Variants in GLIS2 observed in about 807,000 individuals in gnomAD.
GLIS2 encodes the protein zinc finger protein GLIS2.
In GLIS2, 14 loss-of-function variants were observed where a neutral mutation model predicts 35.6. The observed-to-expected ratio is 0.39, with a 90% confidence interval of 0.26 to 0.61. GLIS2 has a LOEUF of 0.61. GLIS2 is among the 20% of genes least tolerant of loss of function. The pLI is 0.48. For synonymous variants in GLIS2, 368 were observed against 325.1 expected, an observed-to-expected ratio of 1.13 and a Z score of -1.42; for missense variants, 675 against 713.4, an observed-to-expected ratio of 0.95 and a Z score of 0.61.
chr16:4,325,938 A>G (rs1479105098), intron 1 of GLIS2, among the ~76,000 whole-genome samples: 1 of 144,512 alleles, frequency 6.9e-6, no homozygotes, highest in Non-Finnish European at 1.5e-5. Flanking sequence ...TTAAAAAAAA[A>G]AAAAAAAAAA....
chr16:4,320,472 A>T lies in GLIS2; in HGVS notation c.-67+4218A>T, dbSNP rs975029818. On this transcript the variant is annotated intron_variant, in intron 1 of 6. Transcript: ENST00000433375. This position sits in a 1 kb window ranked among gnomAD's most constrained non-coding sequence, Gnocchi z 5.6. ...AGGGTTTGGCCCGAGGTCACTCCCA[A>T]TCGGGGAAGAACAGAGGGGAACTGG... 1.3e-5 allele frequency among the ~76,000 whole-genome samples: 2 copies of T among 152,166 alleles called. No homozygotes were observed.
chr16:4,335,383 G>A lies in GLIS2; in HGVS notation c.765G>A (p.Arg255=), dbSNP rs2141133274. The A allele has an allele frequency of 6.2e-7, 1 of 1,613,616 alleles. No individual in the cohort carries two copies. Among genetic ancestry groups the A allele is most frequent in the Non-Finnish European group, 8.5e-7 (1 of 1,180,016 alleles). Reference sequence around the variant, plus strand: ...TGGAGAACCTGAAGATCCACAACCGGTCGCACACAGGTAAGAGGCCGGGGC... The same window carrying A: ...TGGAGAACCTGAAGATCCACAACCGATCGCACACAGGTAAGAGGCCGGGGC... The part of the protein sequence containing the change: ...SRLENLKIHN[R]SHTGEKPYVC... Residue 255 remains arginine, a synonymous_variant, in exon 6 of 7, where the codon CGG becomes CGA. Transcript: ENST00000433375. This position sits in a 1 kb window ranked among gnomAD's most constrained non-coding sequence, Gnocchi z 4.6.
intron 1 of GLIS2, among the ~76,000 whole-genome samples, chr16:4,329,782 G>A (rs866215757): frequency 2.6e-5 from 4 of 152,216 alleles, no homozygotes; most frequent in Admixed American, 6.5e-5. Flanking sequence ...CCCCAATACC[G>A]CGAAAGACGG....
In GLIS2 at chr16:4,328,588, G is replaced by A. The variant is rs146993296; in HGVS notation, c.-66-3627G>A. On this transcript the variant is annotated intron_variant, in intron 1 of 6. Coordinates refer to ENST00000433375, the MANE Select transcript of GLIS2 (RefSeq NM_032575.3). ...CAGCTCCTTCCTTTCCCGGGGGCAGGGACGCAGGCCGTGTGCCGGGCTCTG... is the reference window on the plus strand; with the variant it reads ...CAGCTCCTTCCTTTCCCGGGGGCAGAGACGCAGGCCGTGTGCCGGGCTCTG... Among the ~76,000 whole-genome samples, 4 of 152,348 alleles carry A rather than the reference G, an allele frequency of 2.6e-5. No individual in the cohort carries two copies. The South Asian group carries it at 6.2e-4, about 24-fold the overall frequency.
intron 1 of GLIS2, among the ~76,000 whole-genome samples, chr16:4,329,635 G>C (rs1219112835): frequency 6.6e-6 from 1 of 152,156 alleles, no homozygotes; most frequent in Non-Finnish European, 1.5e-5. Context: ...CTGCCTTCCT[G>C]TCCTGCCCTG....
At position 4,337,619 on chromosome 16, in the gene GLIS2, A is replaced by G. The variant is rs1426607571; in HGVS notation, c.*95A>G. The stretch of plus-strand genomic sequence containing the variant: ...TTCTGTGAAATAGCAATAATGTCCT[A>G]CTGCCCGGGCAGCCCCAGCCCAGCC... On this transcript the variant is annotated 3_prime_UTR_variant, in exon 7 of 7. Coordinates refer to ENST00000433375, the MANE Select transcript of GLIS2 (RefSeq NM_032575.3). 5 of 1,507,414 alleles carry G rather than the reference A, an allele frequency of 3.3e-6. No individual in the cohort carries two copies. Among genetic ancestry groups the G allele is most frequent in the Non-Finnish European group, 4.5e-6 (5 of 1,123,110 alleles). 93.4% of individuals were successfully genotyped at this position (1,507,414 alleles called of 1,614,324 possible).
rs542524364 is a variant in GLIS2 at position 4,321,840 on chromosome 16, C to T, written c.-67+5586C>T. ...CAGTGGGAGGCCTGGGGCTGAAGGT[C>T]GGCGCTGTGTACACCACGCTGTGCA... On this transcript the variant is annotated intron_variant, in intron 1 of 6. Coordinates refer to ENST00000433375, the MANE Select transcript of GLIS2 (RefSeq NM_032575.3). Among the ~76,000 whole-genome samples the T allele has an allele frequency of 3.3e-5, 5 of 151,954 alleles. No individual in the cohort carries two copies. In the South Asian group the frequency reaches 8.3e-4, roughly 25 times the overall value.
intron 1 of GLIS2, among the ~76,000 whole-genome samples, chr16:4,326,054 C>T (rs899444367): frequency 6.0e-5 from 9 of 150,722 alleles, no homozygotes; most frequent in South Asian, 2.1e-4. Context: ...CTGGCTAACA[C>T]GGTGAAACCC....
intron 1 of GLIS2, among the ~76,000 whole-genome samples, chr16:4,324,493 G>T (rs1239650615): frequency 6.6e-6 from 1 of 152,166 alleles, no homozygotes; most frequent in Non-Finnish European, 1.5e-5. Context: ...AGGGGCATAG[G>T]CTTGTTTAGG....
chr16:4,319,501 T>C (rs2053352440), intron 1 of GLIS2, among the ~76,000 whole-genome samples: 1 of 152,124 alleles, frequency 6.6e-6, no homozygotes. Context: ...TTCACGTCTC[T>C]GGGAACTTGC....
At chr16:4,321,144 T>C (rs969433934) in intron 1 of GLIS2, among the ~76,000 whole-genome samples, 1 of 152,136 alleles carries the variant, frequency 6.6e-6, no homozygotes, top group African/African-American at 2.4e-5. Context: ...CCCAGCTATC[T>C]GGGGCTGGGG....
At chr16:4,315,774 G>C (rs1384389435), upstream of GLIS2, among the ~76,000 whole-genome samples, 4 of 137,334 alleles carry the variant, frequency 2.9e-5, no homozygotes, top group Non-Finnish European at 6.3e-5. Context: ...CGGCCGCGCC[G>C]CCCTCCCTTC....
Position 4,337,198 on chromosome 16 carries a change from C to G in GLIS2, c.1249C>G (p.Leu417Val). 1 of 1,546,544 alleles carries G rather than the reference C, an allele frequency of 6.5e-7. No individual in the cohort carries two copies. ...TCTCAATCTGGCCAAGAACCCGCTGCTGCCCTCGCCCTTTGGGGCTGGCGG... is the reference window on the plus strand; with the variant it reads ...TCTCAATCTGGCCAAGAACCCGCTGGTGCCCTCGCCCTTTGGGGCTGGCGG... ...LPLNLAKNPL[L>V]PSPFGAGGLG... Residue 417 changes from leucine to valine, a missense_variant, in exon 7 of 7, where the codon CTG becomes GTG. Physicochemically the swap from Leu to Val is conservative, Grantham distance 32. Transcript: ENST00000433375.
chr16:4,325,417 T>TG (rs2053420104), intron 1 of GLIS2: 2 of 152,222 alleles, frequency 1.3e-5, no homozygotes, highest in South Asian at 2.1e-4. Flanking sequence ...ATGGGTACTG[T>TG]CCTCATGCTG....
In GLIS2 at chr16:4,338,967, C is replaced by CTGTA. The variant is rs1419547351; in HGVS notation, c.*1444_*1447dup. ...TGGCCAGGCCCTTCCACCTCCCCAT[C>CTGTA]TGTAAAACGAGGCAGCTGCCCGGAC... On this transcript the variant is annotated 3_prime_UTR_variant, in exon 7 of 7. Coordinates refer to ENST00000433375, the MANE Select transcript of GLIS2 (RefSeq NM_032575.3). The CTGTA allele has an allele frequency of 6.6e-6, 1 of 152,378 alleles. No homozygotes were observed. Among genetic ancestry groups the CTGTA allele is most frequent in the Non-Finnish European group, 1.5e-5 (1 of 68,128 alleles). 9.4% of individuals were successfully genotyped at this position (152,378 alleles called of 1,614,324 possible).
At position 4,337,606 on chromosome 16, in the gene GLIS2, G is replaced by A; in HGVS notation, c.*82G>A. 4 of 1,523,992 alleles carry A rather than the reference G, an allele frequency of 2.6e-6. No individual in the cohort carries two copies. Among genetic ancestry groups the A allele is most frequent in the Non-Finnish European group, 3.5e-6 (4 of 1,137,196 alleles). 94.4% of individuals were successfully genotyped at this position (1,523,992 alleles called of 1,614,324 possible). ...CGAACGGAAACTCTTCTGTGAAATA[G>A]CAATAATGTCCTACTGCCCGGGCAG... On this transcript the variant is annotated 3_prime_UTR_variant, in exon 7 of 7. Transcript: ENST00000433375.
At chr16:4,327,861 G>T (rs1287893223) in intron 1 of GLIS2, among the ~76,000 whole-genome samples, 2 of 152,048 alleles carry the variant, frequency 1.3e-5, no homozygotes, top group African/African-American at 4.8e-5. Context: ...GCCGCGCAGC[G>T]GCCGGTTCCG....
chr16:4,330,719 GA>G (rs1361270491), intron 1 of GLIS2, among the ~76,000 whole-genome samples: 7 of 152,266 alleles, frequency 4.6e-5, no homozygotes, highest in African/African-American at 1.7e-4. Flanking sequence ...TGCTCTGTCA[GA>G]AAAGGCTGTT....
At chr16:4,327,621 G>A (rs1185246765) in intron 1 of GLIS2, among the ~76,000 whole-genome samples, 2 of 152,206 alleles carry the variant, frequency 1.3e-5, no homozygotes, top group South Asian at 2.1e-4. Context: ...CTCGGGCTGC[G>A]GTCGGGCACA....
Sources: allele counts gnomAD v4.1 joint callset (sites outside exome capture counted in the v4.1 genomes callset), GRCh38; gene constraint gnomAD v4.1.1; non-coding constraint Gnocchi (gnomAD v3.1); transcripts MANE v1.5; gene names NCBI Gene and HGNC (gene_info 2026-07-23, HGNC 2026-07-21).